SCNN1B: variants seen among roughly 807,000 people sequenced by gnomAD.
SCNN1B encodes the protein epithelial sodium channel subunit beta.
SCNN1B carries 46 observed loss-of-function variants against 65.3 expected under a neutral mutation model. The ratio of observed to expected loss-of-function variants is 0.70; its 90% CI spans 0.56 to 0.90. The LOEUF is 0.90. Ranked by LOEUF, SCNN1B falls within the 40% of genes least tolerant of loss-of-function variation. The pLI is 0.00. For synonymous variants in SCNN1B, 349 were observed against 330.6 expected (o/e 1.06, Z -0.60); for missense variants, 751 against 830.5 (o/e 0.90, Z 1.18).
intron 7 of SCNN1B, 47 bp from the exon 8 acceptor site, chr16:23,375,691 C>A: frequency 1.5e-6 from 2 of 1,339,682 alleles, no homozygotes; most frequent in Non-Finnish European, 2.2e-6. Context: ...GGGGACATCA[C>A]TGACCATGCC....
intron 4 of SCNN1B, among the ~76,000 whole-genome samples, chr16:23,356,786 C>T (rs868001388): frequency 5.3e-5 from 8 of 152,140 alleles, no homozygotes; most frequent in Admixed American, 3.3e-4. Flanking sequence ...AGATTCCCAC[C>T]TCCTTGGCCT....
At chr16:23,356,615 C>G (rs1405983277) in intron 4 of SCNN1B, among the ~76,000 whole-genome samples, 5 of 132,282 alleles carry the variant, frequency 3.8e-5, no homozygotes, top group African/African-American at 1.7e-4. Flanking sequence ...CAGAATGAGA[C>G]CCTGTCTCTT....
intron 1 of SCNN1B, among the ~76,000 whole-genome samples, chr16:23,281,579 T>C (rs2141966610): frequency 6.6e-6 from 1 of 152,346 alleles, no homozygotes; most frequent in South Asian, 2.1e-4. Context: ...GTTGGCACTC[T>C]GTAACCTAGA....
chr16:23,343,652 A>AAGG (rs1962125717), intron 1 of SCNN1B, among the ~76,000 whole-genome samples: 6 of 118,624 alleles, frequency 5.1e-5, no homozygotes, highest in Admixed American at 8.1e-5. Context: ...AGAAAGAAAA[A>AAGG]AAGAAAGGAA....
intron 1 of SCNN1B, among the ~76,000 whole-genome samples, chr16:23,281,790 C>T (rs2141966674): frequency 6.6e-6 from 1 of 152,274 alleles, no homozygotes; most frequent in East Asian, 1.9e-4. Context: ...GAAAATCAGA[C>T]ATATTTGAGT....
chr16:23,284,770 C>T (rs1235606392), intron 2 of SCNN1B, among the ~76,000 whole-genome samples: 2 of 152,206 alleles, frequency 1.3e-5, no homozygotes, highest in African/African-American at 4.8e-5. Context: ...TAACTTTCAG[C>T]CAATTTCTGC....
intron 1 of SCNN1B, among the ~76,000 whole-genome samples, chr16:23,324,036 C>T (rs1007428782): frequency 7.2e-5 from 11 of 152,068 alleles, no homozygotes; most frequent in African/African-American, 2.2e-4. Flanking sequence ...CAAACAAAAA[C>T]GCAAGGAGGG....
intron 1 of SCNN1B, among the ~76,000 whole-genome samples, chr16:23,343,312 C>T (rs1196015085): frequency 2.0e-5 from 3 of 151,590 alleles, no homozygotes; most frequent in Non-Finnish European, 2.9e-5. Context: ...ATTAGCCGGG[C>T]GTGGTGGTGC....
intron 1 of SCNN1B, among the ~76,000 whole-genome samples, chr16:23,335,800 C>T (rs1285834794): frequency 6.6e-6 from 1 of 151,962 alleles, no homozygotes; most frequent in Non-Finnish European, 1.5e-5. Context: ...CTGTTCTACC[C>T]TTTCTTTGCT....
At chr16:23,365,942 C>T (rs959009455) in intron 4 of SCNN1B, among the ~76,000 whole-genome samples, 1 of 152,194 alleles carries the variant, frequency 6.6e-6, no homozygotes, top group Non-Finnish European at 1.5e-5. Flanking sequence ...CTAGCTGAGA[C>T]AAAAGATACA....
intron 1 of SCNN1B, among the ~76,000 whole-genome samples, chr16:23,328,456 G>A (rs1961742396): frequency 6.6e-6 from 1 of 152,174 alleles, no homozygotes; most frequent in Admixed American, 6.5e-5. Context: ...CTCAAAGTCA[G>A]CCCTTGTGCA....
chr16:23,297,093 G>T (rs557780972), intron 2 of SCNN1B, among the ~76,000 whole-genome samples: 1 of 152,004 alleles, frequency 6.6e-6, no homozygotes, highest in Non-Finnish European at 1.5e-5. Flanking sequence ...GAGACCCAGC[G>T]CCTGGGGGCC....
intron 3 of SCNN1B, among the ~76,000 whole-genome samples, chr16:23,354,753 G>T (rs1265180611): frequency 6.6e-6 from 1 of 152,196 alleles, no homozygotes; most frequent in Non-Finnish European, 1.5e-5. Flanking sequence ...GCGGCCACTT[G>T]TGTGAATCTA....
At position 23,371,351 on chromosome 16, in the gene SCNN1B, G is replaced by A. The variant is rs749479577; in HGVS notation, c.933G>A (p.Ala311=). Residue 311 remains alanine (A), a synonymous_variant, in exon 6 of 13, where the codon GCG becomes GCA. Coordinates refer to ENST00000343070, the MANE Select transcript of SCNN1B (RefSeq NM_000336.3). ...IGQEDYVPFL[A]STAGVRLMLH... is the part of the protein sequence containing the mutation. The stretch of plus-strand genomic sequence containing the variant: ...AGGAAGACTACGTCCCCTTCCTTGC[G>A]TCCACGGCCGGGGTCAGGCTGATGC... 40 of 1,614,000 alleles carry A rather than the reference G, an allele frequency of 2.5e-5. No homozygotes were observed. The highest frequency in any genetic ancestry group is 6.7e-5 in the African/African-American group (5 of 74,916).
At position 23,317,354 on chromosome 16, in the gene SCNN1B, G is replaced by A. The variant is rs944372777; in HGVS notation, c.-9+14917G>A. On this transcript the variant is annotated intron_variant, in intron 1 of 12. Coordinates refer to ENST00000343070, the MANE Select transcript of SCNN1B (RefSeq NM_000336.3). ...AATCACTCAGGGTGTCTGGTTGGTA[G>A]TTCCCAGCAGCTCAATCTCTGGATT... Among the ~76,000 whole-genome samples the A allele has an allele frequency of 2.0e-5, 3 of 152,232 alleles. No individual in the cohort carries two copies. In the South Asian group the frequency reaches 6.2e-4, roughly 32 times the overall value.
At chr16:23,296,163 G>A (rs1343155895) in intron 2 of SCNN1B, among the ~76,000 whole-genome samples, 1 of 152,122 alleles carries the variant, frequency 6.6e-6, no homozygotes, top group Non-Finnish European at 1.5e-5. Flanking sequence ...CAGGAGTAGA[G>A]GCCCCACACT....
intron 4 of SCNN1B, among the ~76,000 whole-genome samples, chr16:23,366,025 G>A (rs961150610): frequency 1.3e-5 from 2 of 152,200 alleles, no homozygotes; most frequent in Admixed American, 6.5e-5. Context: ...AGAATTAAAT[G>A]AGATCACGAA....
chr16:23,343,475 A>AAGG (rs1567304134), intron 1 of SCNN1B, among the ~76,000 whole-genome samples: 8 of 113,128 alleles, frequency 7.1e-5, no homozygotes, highest in African/African-American at 3.9e-4. Context: ...GAAAAGAAAG[A>AAGG]AAGGAAGGAA....
intron 1 of SCNN1B, among the ~76,000 whole-genome samples, chr16:23,335,068 G>A (rs1961908750): frequency 6.6e-6 from 1 of 151,858 alleles, no homozygotes; most frequent in African/African-American, 2.4e-5. Flanking sequence ...TAAGCTACAC[G>A]AAGGCAGAGA....
Sources: allele counts gnomAD v4.1 joint callset (sites outside exome capture counted in the v4.1 genomes callset), GRCh38; gene constraint gnomAD v4.1.1; transcripts MANE v1.5; gene names NCBI Gene and HGNC (gene_info 2026-07-23, HGNC 2026-07-21).